Variants in RAPGEF2 observed in about 807,000 individuals in gnomAD.
RAPGEF2 encodes the protein Rap guanine nucleotide exchange factor 2.
RAPGEF2 carries 54 observed loss-of-function variants against 186.7 expected under a neutral mutation model. That is an observed-to-expected ratio of 0.29 (90% confidence interval 0.23 to 0.36). The LOEUF (loss-of-function observed/expected upper bound fraction) is 0.36, where lower values mean the gene tolerates loss of function less well. Among genes scored for constraint, RAPGEF2 ranks in the 10% least tolerant of loss-of-function variants. The pLI, the probability that RAPGEF2 is intolerant of heterozygous loss-of-function variation, is 1.00. For synonymous variants in RAPGEF2, 712 were observed against 705.9 expected, an observed-to-expected ratio of 1.01 and a Z score of -0.14; for missense variants, 1,532 against 2,045.0, an observed-to-expected ratio of 0.75 and a Z score of 4.84.
intron 23 of RAPGEF2, 114 bp downstream of exon 23, chr4:159,344,173 C>A: frequency 1.8e-6 from 2 of 1,126,654 alleles, no homozygotes; most frequent in Non-Finnish European, 2.7e-6. Context: ...TTTCCTTAAC[C>A]CTCGTGCTGT....
intron 17 of RAPGEF2, 72 bp from the exon 18 acceptor site, chr4:159,338,239 G>A (rs1767748627): frequency 7.4e-7 from 1 of 1,355,632 alleles, no homozygotes; most frequent in African/African-American, 1.5e-5. Flanking sequence ...TTTTTGGTCT[G>A]TGTTTATTAT....
At chr4:159,131,519 A>ATTGGTTTTTTTTTTTTTTTTTTTT in intron 1 of RAPGEF2, among the ~76,000 whole-genome samples, 2 of 37,212 alleles carry the variant, frequency 5.4e-5, no homozygotes, top group African/African-American at 2.4e-4. Context: ...ATTAATTGCT[A>ATTGGTTTTTTTTTTTTTTTTTTTT]TTTTTTTTTT....
chr4:159,164,008 G>GTT (rs879751797), intron 1 of RAPGEF2, among the ~76,000 whole-genome samples: 24 of 145,432 alleles, frequency 1.7e-4, no homozygotes, highest in East Asian at 2.0e-4. Context: ...AGTACTGGTA[G>GTT]TTTTTTTTTT....
At chr4:159,270,156 A>G (rs1054752889) in intron 7 of RAPGEF2, among the ~76,000 whole-genome samples, 2 of 152,216 alleles carry the variant, frequency 1.3e-5, no homozygotes, top group Non-Finnish European at 2.9e-5. Context: ...CCATCTCAAG[A>G]TGTCACATGC....
chr4:159,227,233 A>G (rs531493333), intron 4 of RAPGEF2, among the ~76,000 whole-genome samples: 3 of 152,350 alleles, frequency 2.0e-5, no homozygotes, highest in African/African-American at 4.8e-5. Flanking sequence ...CTTAGGGCCA[A>G]TCTGAATCAT....
chr4:159,323,416 T>C (rs777336474), intron 10 of RAPGEF2, 43 bp from the exon 11 acceptor site: 15 of 1,507,984 alleles, frequency 9.9e-6, no homozygotes, highest in African/African-American at 1.4e-5. Context: ...AGCTGTATGA[T>C]CATGATGTTA....
chr4:159,317,186 AC>A (rs1269404868), intron 9 of RAPGEF2, among the ~76,000 whole-genome samples: 3 of 152,202 alleles, frequency 2.0e-5, no homozygotes, highest in Non-Finnish European at 4.4e-5. Context: ...GCAAAAAAAA[AC>A]CAAAACCTTA....
intron 7 of RAPGEF2, among the ~76,000 whole-genome samples, chr4:159,258,924 G>A: frequency 6.6e-6 from 1 of 152,176 alleles, no homozygotes; most frequent in Non-Finnish European, 1.5e-5. Context: ...GGTTGGCCGA[G>A]GCTTGAATGC....
chr4:159,332,919 C>T (rs1410454239), intron 17 of RAPGEF2: 1 of 346,324 alleles, frequency 2.9e-6, no homozygotes, highest in African/African-American at 2.1e-5. Flanking sequence ...AGCATTTCCT[C>T]ATTTGAACTA....
intron 1 of RAPGEF2, among the ~76,000 whole-genome samples, chr4:159,157,783 T>C (rs984844831): frequency 6.6e-6 from 1 of 152,206 alleles, no homozygotes; most frequent in Admixed American, 6.5e-5. Flanking sequence ...TCCCAACATA[T>C]CTCTGCTGCT....
At chr4:159,299,016 T>C (rs1762346208) in intron 7 of RAPGEF2, among the ~76,000 whole-genome samples, 1 of 152,002 alleles carries the variant, frequency 6.6e-6, no homozygotes, top group Admixed American at 6.6e-5. Context: ...AAATAGAAAA[T>C]ATGTCTAGGA....
intron 1 of RAPGEF2, among the ~76,000 whole-genome samples, chr4:159,168,176 A>C (rs1042097843): frequency 2.0e-5 from 3 of 152,204 alleles, no homozygotes; most frequent in Non-Finnish European, 4.4e-5. Flanking sequence ...TTCATACAAC[A>C]GTATGTTGTT....
intron 4 of RAPGEF2, among the ~76,000 whole-genome samples, chr4:159,219,514 T>C (rs6536398): frequency 0.65 from 98,196 of 151,306 alleles, 32,513 homozygotes; most frequent in African/African-American, 0.71. Context: ...CGCCACCACG[T>C]CCGGATAATT....
intron 2 of RAPGEF2, among the ~76,000 whole-genome samples, chr4:159,191,384 G>A (rs1245954452): frequency 6.6e-6 from 1 of 152,040 alleles, no homozygotes; most frequent in East Asian, 1.9e-4. Flanking sequence ...CTTTTTCTTT[G>A]GAGTTTTAGG....
At chr4:159,137,795 T>C (rs747227839) in intron 1 of RAPGEF2, among the ~76,000 whole-genome samples, 1 of 152,030 alleles carries the variant, frequency 6.6e-6, no homozygotes, top group Non-Finnish European at 1.5e-5. Flanking sequence ...TAGAGTGTTT[T>C]AAAAATTAAA....
chr4:159,233,492 G>C (rs947208060), intron 4 of RAPGEF2, among the ~76,000 whole-genome samples: 34 of 152,146 alleles, frequency 2.2e-4, no homozygotes, highest in African/African-American at 8.2e-4. Flanking sequence ...TGAGACTGGA[G>C]ACTATTATTT....
chr4:159,241,312 G>T lies in RAPGEF2; in HGVS notation c.469G>T (p.Asp157Tyr). Residue 157 changes from aspartate (D) to tyrosine (Y), a missense_variant, in exon 6 of 30, where the codon GAC (aspartate) becomes TAC (tyrosine). Around this residue, in one of 4 missense-constraint regions of RAPGEF2, gnomAD observed 810 missense variants for 1,210.5 expected, o/e 0.67. Transcript: ENST00000691494. ...GAAAGGTGAAAGACAAACAATTATT[G>T]ACACTGTGGATCCTTATCCCATGGG... Reference protein sequence around the residue: ...NQKGERQTIIDTVDPYPMGKP... With the variant: ...NQKGERQTIIYTVDPYPMGKP... The T allele has an allele frequency of 6.5e-7, 1 of 1,532,338 alleles. No homozygotes were observed. The highest frequency in any genetic ancestry group is 1.2e-5 in the South Asian group (1 of 83,540). The allele number at this position is 1,532,338 out of a possible 1,614,324, so 94.9% of individuals were successfully genotyped here.
At chr4:159,273,682 CTTTCTTTCTTTCT>C (rs1561189036) in intron 7 of RAPGEF2, among the ~76,000 whole-genome samples, 45 of 144,864 alleles carry the variant, frequency 3.1e-4, no homozygotes, top group Non-Finnish European at 7.7e-5. Flanking sequence ...TTCTTTCTTT[CTTTCTTTCTTTCT>C]TTCTTTCTCA....
intron 4 of RAPGEF2, among the ~76,000 whole-genome samples, chr4:159,235,061 A>G (rs1014553966): frequency 1.3e-5 from 2 of 152,170 alleles, no homozygotes; most frequent in Non-Finnish European, 2.9e-5. Flanking sequence ...TGCCCAGCCT[A>G]TGAAAAATTA....
Sources: allele counts gnomAD v4.1 joint callset (sites outside exome capture counted in the v4.1 genomes callset), GRCh38; gene constraint gnomAD v4.1.1; regional missense constraint gnomAD v4.1.1; transcripts MANE v1.5; gene names NCBI Gene and HGNC (gene_info 2026-07-23, HGNC 2026-07-21).